The following ROBO2 variants were observed in gnomAD, a reference collection of about 807,000 sequenced individuals.
ROBO2 encodes roundabout guidance receptor 2.
ROBO2 carries 53 observed loss-of-function variants against 160.8 expected under a neutral mutation model. That is an observed-to-expected ratio of 0.33 (90% CI 0.26 to 0.41). The LOEUF is 0.41. ROBO2 is among the 10% of genes least tolerant of loss of function. The probability of loss-of-function intolerance (pLI) is 1.00; values close to 1 mark genes in which losing one functional copy is unlikely to be tolerated. For missense variants in ROBO2, 1,577 were observed against 1,722.4 expected, an observed-to-expected ratio of 0.92 and a Z score of 1.49; for synonymous variants, 664 against 611.7, an observed-to-expected ratio of 1.09 and a Z score of -1.26.
intron 6 of ROBO2, among the ~76,000 whole-genome samples, chr3:77,541,285 C>T (rs992884135): frequency 6.6e-6 from 1 of 151,924 alleles, no homozygotes; most frequent in African/African-American, 2.4e-5. Context: ...CTTTAGAGTC[C>T]CCCATCCCCT....
chr3:76,798,569 G>A (rs2063951672), intron 2 of ROBO2, among the ~76,000 whole-genome samples: 1 of 152,130 alleles, frequency 6.6e-6, no homozygotes, highest in Admixed American at 6.5e-5. Context: ...ATAAAATTCA[G>A]TATTGCTTCA....
intron 2 of ROBO2, among the ~76,000 whole-genome samples, chr3:76,197,535 A>T (rs1702319606): frequency 6.6e-6 from 1 of 152,180 alleles, no homozygotes; most frequent in Middle Eastern, 3.2e-3. Flanking sequence ...CCACCGAGTT[A>T]ATCAATTTCT....
At chr3:76,553,526 T>C (rs1203453207) in intron 2 of ROBO2, among the ~76,000 whole-genome samples, 5 of 152,200 alleles carry the variant, frequency 3.3e-5, no homozygotes, top group Non-Finnish European at 2.9e-5. Context: ...TTTTTACTAA[T>C]TAGTGGTCTG....
chr3:76,725,620 G>C (rs929649184), intron 2 of ROBO2, among the ~76,000 whole-genome samples: 5 of 152,140 alleles, frequency 3.3e-5, no homozygotes, highest in Non-Finnish European at 7.3e-5. Flanking sequence ...GCAAGCTTCT[G>C]TTTTCTTTCT....
intron 6 of ROBO2, among the ~76,000 whole-genome samples, chr3:77,530,094 T>C (rs1209802323): frequency 6.6e-6 from 1 of 151,926 alleles, no homozygotes; most frequent in Non-Finnish European, 1.5e-5. Context: ...AAAAAGCACA[T>C]TTTTCAACTT....
chr3:76,569,253 G>T lies in ROBO2; in HGVS notation c.110-528761G>T, dbSNP rs181601183. 1.3e-4 allele frequency among the ~76,000 whole-genome samples: 20 copies of T among 152,138 alleles called. No individual in the cohort carries two copies. In the East Asian group the frequency reaches 1.5e-3, roughly 12 times the overall value. On this transcript the variant is annotated intron_variant, in intron 2 of 26. Coordinates refer to the ROBO2 transcript ENST00000487694. ...TCAGTTCAGAAGTTTTCTGGGTCTA[G>T]AACAATAAGGGATGCATATACTAGA... is the stretch of plus-strand genomic sequence containing the variant.
chr3:77,106,293 T>C (rs1031569022), intron 2 of ROBO2, among the ~76,000 whole-genome samples: 11 of 152,196 alleles, frequency 7.2e-5, no homozygotes, highest in African/African-American at 2.7e-4. Context: ...TCCTCTCTCA[T>C]TGGCCTCCCA....
chr3:75,951,176 C>T (rs974808390), intron 2 of ROBO2, among the ~76,000 whole-genome samples: 1 of 152,002 alleles, frequency 6.6e-6, no homozygotes, highest in African/African-American at 2.4e-5. Flanking sequence ...ATCAAAACAT[C>T]ACATGTGACC....
At chr3:77,627,775 T>A (rs750704618) in intron 23 of ROBO2, among the ~76,000 whole-genome samples, 2 of 152,214 alleles carry the variant, frequency 1.3e-5, no homozygotes, top group Non-Finnish European at 2.9e-5. Context: ...GTTCATAGAT[T>A]AAATATTGGT....
intron 21 of ROBO2, among the ~76,000 whole-genome samples, chr3:77,615,123 G>C (rs1427575056): frequency 6.6e-6 from 1 of 152,064 alleles, no homozygotes; most frequent in East Asian, 1.9e-4. Flanking sequence ...TGTATGCTCT[G>C]TGAAATAGAT....
chr3:76,738,927 G>A (rs1267634658), intron 2 of ROBO2, among the ~76,000 whole-genome samples: 1 of 152,046 alleles, frequency 6.6e-6, no homozygotes, highest in Admixed American at 6.6e-5. Context: ...TGTGGAATAG[G>A]GAGAATAAAT....
intron 2 of ROBO2, among the ~76,000 whole-genome samples, chr3:76,137,887 G>A (rs73843001): frequency 0.015 from 2,272 of 152,044 alleles, 57 homozygotes; most frequent in African/African-American, 0.052. Context: ...TTAGGGGTTT[G>A]TGTAATCAGA....
At chr3:76,047,786 T>C (rs1455888618) in intron 2 of ROBO2, among the ~76,000 whole-genome samples, 2 of 152,202 alleles carry the variant, frequency 1.3e-5, no homozygotes, top group East Asian at 3.9e-4. Flanking sequence ...TACTAAGAAG[T>C]GTGTTAGTCT....
intron 2 of ROBO2, among the ~76,000 whole-genome samples, chr3:76,444,274 G>T: frequency 6.6e-6 from 1 of 152,048 alleles, no homozygotes; most frequent in Non-Finnish European, 1.5e-5. Flanking sequence ...CACTGCGCCT[G>T]TCCTAAAAAT....
At position 77,450,865 on chromosome 3, in the gene ROBO2, C is replaced by T. The variant is rs181618030; in HGVS notation, c.389-26549C>T. 4.6e-3 allele frequency among the ~76,000 whole-genome samples: 706 copies of T among 152,048 alleles called. 4 individuals carry two copies. Among genetic ancestry groups the T allele is most frequent in the Non-Finnish European group, 7.3e-3 (494 of 67,954 alleles). The stretch of plus-strand genomic sequence containing the variant: ...GTATTCAAGCTGGATAATTAGAGAA[C>T]GAAATTTTGGCCTTTATTAATTAAA... On this transcript the variant is annotated intron_variant, in intron 2 of 25. Coordinates refer to ENST00000461745, the Ensembl canonical transcript of ROBO2.
At chr3:76,505,929 C>T (rs1270086393) in intron 2 of ROBO2, among the ~76,000 whole-genome samples, 1 of 152,118 alleles carries the variant, frequency 6.6e-6, no homozygotes, top group Non-Finnish European at 1.5e-5. Flanking sequence ...TATACACTTA[C>T]ACATTTGTAG....
intron 2 of ROBO2, among the ~76,000 whole-genome samples, chr3:76,601,021 G>T (rs1385365436): frequency 1.3e-5 from 2 of 152,170 alleles, no homozygotes; most frequent in Admixed American, 1.3e-4. Context: ...AGGAGCTACA[G>T]GCCCCACACA....
intron 2 of ROBO2, among the ~76,000 whole-genome samples, chr3:76,935,261 C>A (rs112932140): frequency 1.1e-4 from 16 of 152,144 alleles, no homozygotes; most frequent in Non-Finnish European, 2.2e-4. Context: ...CCTAGACTTA[C>A]AAAAATTTTT....
chr3:76,584,208 T>A (rs2085884613), intron 2 of ROBO2, among the ~76,000 whole-genome samples: 1 of 152,222 alleles, frequency 6.6e-6, no homozygotes, highest in African/African-American at 2.4e-5. Context: ...CAGCAGGAAA[T>A]GGTACCAACG....
Sources: gnomAD v4.1 joint callset for allele counts (sites outside exome capture counted in the v4.1 genomes callset) on GRCh38, gnomAD v4.1.1 for gene constraint, MANE v1.5 for transcripts, NCBI Gene and HGNC (gene_info 2026-07-23, HGNC 2026-07-21) for gene names.